The following M1AP variants were observed in gnomAD, a reference collection of about 807,000 sequenced individuals.
The protein encoded by M1AP is meiosis 1 arrest protein.
A neutral mutation model predicts 51.2 loss-of-function variants in M1AP; 39 were observed. The observed-to-expected ratio is 0.76, with a 90% CI of 0.59 to 1.00. The LOEUF (loss-of-function observed/expected upper bound fraction) is 1.00, where lower values mean the gene tolerates loss of function less well. Ranked by LOEUF, M1AP falls within the 50% of genes least tolerant of loss-of-function variation. M1AP has a pLI of 0.00. For missense variants in M1AP, 545 were observed against 641.2 expected, an observed-to-expected ratio of 0.85 and a Z score of 1.62; for synonymous variants, 251 against 249.2, an observed-to-expected ratio of 1.01 and a Z score of -0.07.
intron 7 of M1AP, chr2:74,575,157 G>T: frequency 3.4e-6 from 1 of 296,736 alleles, no homozygotes; most frequent in East Asian, 1.7e-4. Flanking sequence ...TAAAATACAG[G>T]TACGTACGGA....
chr2:74,610,916 C>T (rs1681295727), intron 3 of M1AP, among the ~76,000 whole-genome samples: 1 of 152,160 alleles, frequency 6.6e-6, no homozygotes. Flanking sequence ...AATGCTCTTT[C>T]TGCATCCATG....
chr2:74,618,196 C>G (rs1681782548), intron 2 of M1AP, among the ~76,000 whole-genome samples: 1 of 152,178 alleles, frequency 6.6e-6, no homozygotes, highest in South Asian at 2.1e-4. Context: ...TCCATGATCA[C>G]AGATGTAATC....
chr2:74,643,188 A>G (rs545717331), intron 1 of M1AP, among the ~76,000 whole-genome samples: 4 of 152,232 alleles, frequency 2.6e-5, no homozygotes, highest in Admixed American at 1.3e-4. Flanking sequence ...CAGCCAAAAG[A>G]CTATTAATAA....
chr2:74,641,570 C>A (rs1241553737), intron 1 of M1AP, among the ~76,000 whole-genome samples: 2 of 152,074 alleles, frequency 1.3e-5, no homozygotes, highest in South Asian at 4.2e-4. Flanking sequence ...CAAATATCTT[C>A]CCACAAGTAA....
intron 4 of M1AP, among the ~76,000 whole-genome samples, chr2:74,591,034 T>C (rs1158145103): frequency 6.6e-6 from 1 of 152,192 alleles, no homozygotes; most frequent in Non-Finnish European, 1.5e-5. Context: ...TAGTGATACC[T>C]AGGCTAAGGG....
intron 4 of M1AP, among the ~76,000 whole-genome samples, chr2:74,596,019 G>GA (rs1225927251): frequency 5.3e-5 from 8 of 152,056 alleles, no homozygotes; most frequent in African/African-American, 1.7e-4. Flanking sequence ...ACATGAAATT[G>GA]AAAAATATTT....
chr2:74,606,589 T>A (rs1476192331), intron 4 of M1AP, among the ~76,000 whole-genome samples: 3 of 151,444 alleles, frequency 2.0e-5, no homozygotes, highest in South Asian at 2.1e-4. Context: ...ATTAAGAGAG[T>A]GTGTGTGTGT....
intron 2 of M1AP, among the ~76,000 whole-genome samples, chr2:74,631,468 C>A (rs1573181518): frequency 6.6e-6 from 1 of 152,144 alleles, no homozygotes; most frequent in African/African-American, 2.4e-5. Flanking sequence ...ATTATATTAT[C>A]TTTCTTGGGG....
intron 5 of M1AP, among the ~76,000 whole-genome samples, chr2:74,579,052 C>T (rs943592666): frequency 1.9e-4 from 29 of 152,260 alleles, no homozygotes; most frequent in African/African-American, 6.3e-4. Context: ...TGAAGACCTC[C>T]CCAGCAGAAA....
At chr2:74,595,113 T>C (rs1278583767) in intron 4 of M1AP, among the ~76,000 whole-genome samples, 1 of 152,088 alleles carries the variant, frequency 6.6e-6, no homozygotes, top group Non-Finnish European at 1.5e-5. Context: ...TGGAACAACA[T>C]CAAGCAATCC....
chr2:74,606,960 T>C (rs1416790915), intron 4 of M1AP, 95 bp downstream of exon 4: 7 of 941,870 alleles, frequency 7.4e-6, no homozygotes, highest in South Asian at 1.6e-5. Context: ...TTGTTACATA[T>C]GTATACATGT....
At chr2:74,561,772 A>C in intron 8 of M1AP, 1 of 475,242 alleles carries the variant, frequency 2.1e-6, no homozygotes, top group Non-Finnish European at 2.7e-6. Context: ...GTGCATCCCC[A>C]GGAGCTGGAC....
chr2:74,561,112 A>AGGAGG (rs1677919133), intron 8 of M1AP, among the ~76,000 whole-genome samples: 2 of 30,980 alleles, frequency 6.5e-5, no homozygotes, highest in Admixed American at 7.6e-4. Context: ...GGAGGAGGAG[A>AGGAGG]AGGAGGAGGA....
chr2:74,580,878 T>C (rs921206577), intron 5 of M1AP, among the ~76,000 whole-genome samples: 1 of 152,188 alleles, frequency 6.6e-6, no homozygotes, highest in Non-Finnish European at 1.5e-5. Flanking sequence ...TCATTTCTCT[T>C]TGGAGCTGGT....
In M1AP at chr2:74,591,676, A is replaced by C. The variant is rs76767711; in HGVS notation, c.596-9829T>G. On this transcript the variant is annotated intron_variant, in intron 4 of 10. Coordinates refer to ENST00000421985, the MANE Select transcript of M1AP (RefSeq NM_001321739.2). ...GGAACTGAAAGAAAGAGCTGCCTTG[A>C]GGTGAAAATAAATGTAAGTGGAGCC... Among the ~76,000 whole-genome samples the C allele has an allele frequency of 4.7e-3, 720 of 152,330 alleles. 7 individuals are homozygous for C. Among genetic ancestry groups the C allele is most frequent in the African/African-American group, 0.017 (691 of 41,578 alleles).
chr2:74,643,350 A>G (rs1683421339), intron 1 of M1AP, among the ~76,000 whole-genome samples: 1 of 152,206 alleles, frequency 6.6e-6, no homozygotes, highest in Non-Finnish European at 1.5e-5. Context: ...GAAACATAAT[A>G]TTGAGTAAAA....
rs1197780045 is a variant in M1AP at position 74,558,263 on chromosome 2, C to G, written c.*453G>C. Reference sequence around the variant, plus strand: ...AAGCCTGGTGGTGTAGTGGGAAGGGCACAGGCTCTGAAATGAGGCTTGGAT... The same window carrying G: ...AAGCCTGGTGGTGTAGTGGGAAGGGGACAGGCTCTGAAATGAGGCTTGGAT... On this transcript the variant is annotated 3_prime_UTR_variant, in exon 11 of 11. Coordinates refer to ENST00000421985, the MANE Select transcript of M1AP (RefSeq NM_001321739.2). 1.2e-5 allele frequency: 2 copies of G among 169,398 alleles called. No individual in the cohort carries two copies. The highest frequency in any genetic ancestry group is 2.5e-5 in the Non-Finnish European group (2 of 80,044). The allele number at this position is 169,398 out of a possible 1,614,324, so 10.5% of individuals were successfully genotyped here. A position where few individuals can be genotyped will look rare whatever the true frequency, so the allele number is the denominator to read the frequency against.
At chr2:74,563,606 TAA>T (rs750014043) in intron 7 of M1AP, among the ~76,000 whole-genome samples, 11 of 54,646 alleles carry the variant, frequency 2.0e-4, no homozygotes, top group Admixed American at 4.3e-4. Flanking sequence ...TCTCAAAACA[TAA>T]AAAAAAAAAA....
At chr2:74,619,858 T>C (rs1301615345) in intron 2 of M1AP, among the ~76,000 whole-genome samples, 1 of 152,158 alleles carries the variant, frequency 6.6e-6, no homozygotes, top group East Asian at 1.9e-4. Context: ...AGGTGACATC[T>C]CATGAAAAGC....
Sources: allele counts gnomAD v4.1 joint callset (sites outside exome capture counted in the v4.1 genomes callset), GRCh38; gene constraint gnomAD v4.1.1; transcripts MANE v1.5; gene names NCBI Gene and HGNC (gene_info 2026-07-23, HGNC 2026-07-21).